The following DAB1 variants were observed in gnomAD, a reference collection of about 807,000 sequenced individuals.
The protein encoded by DAB1 is disabled homolog 1.
In DAB1, 15 loss-of-function variants were observed where a neutral mutation model predicts 64.6. That is an observed-to-expected ratio of 0.23 (90% CI 0.16 to 0.36). The LOEUF (loss-of-function observed/expected upper bound fraction) is 0.36, where lower values mean the gene tolerates loss of function less well. Ranked by LOEUF, DAB1 falls within the 10% of genes least tolerant of loss-of-function variation. The probability of loss-of-function intolerance (pLI) is 1.00; values close to 1 mark genes in which losing one functional copy is unlikely to be tolerated. For missense variants in DAB1, 596 were observed against 706.7 expected (o/e 0.84, Z 1.78); for synonymous variants, 235 against 251.9 (o/e 0.93, Z 0.64).
intron 1 of DAB1, among the ~76,000 whole-genome samples, chr1:57,343,859 T>C (rs1677869775): frequency 6.6e-6 from 1 of 152,192 alleles, no homozygotes; most frequent in South Asian, 2.1e-4. Flanking sequence ...GCTCCCACAG[T>C]GCATCAGCGG....
chr1:58,510,367 A>G (rs1260672351), intron 2 of DAB1, among the ~76,000 whole-genome samples: 1 of 152,032 alleles, frequency 6.6e-6, no homozygotes, highest in African/African-American at 2.4e-5. Flanking sequence ...TTAACAGAAT[A>G]AAAAAACACA....
intron 7 of DAB1, among the ~76,000 whole-genome samples, chr1:57,614,339 C>T (rs1645763777): frequency 6.6e-6 from 1 of 152,194 alleles, no homozygotes; most frequent in African/African-American, 2.4e-5. Context: ...TAAGGTCCAT[C>T]AGTTAATGGT....
At position 58,165,799 on chromosome 1, in the gene DAB1, G is replaced by T. The variant is rs187501553; in HGVS notation, n.310-15211C>A. Among the ~76,000 whole-genome samples, 548 of 152,324 alleles carry T rather than the reference G, an allele frequency of 3.6e-3. 4 individuals carry two copies. The highest frequency in any genetic ancestry group is 0.012 in the African/African-American group (514 of 41,564). On this transcript the variant is annotated intron_variant and non_coding_transcript_variant, in intron 4 of 20. Transcript: ENST00000485760. Reference sequence around the variant, plus strand: ...GTTTTAACCACTGTTGTAAAGATAAGAAATGGGCAGACAGGAGGTCCTGGA... The same window carrying T: ...GTTTTAACCACTGTTGTAAAGATAATAAATGGGCAGACAGGAGGTCCTGGA...
intron 9 of DAB1, among the ~76,000 whole-genome samples, chr1:57,049,696 A>C (rs897362835): frequency 3.3e-5 from 5 of 152,098 alleles, no homozygotes; most frequent in Non-Finnish European, 7.4e-5. Context: ...AGCAGCCCTC[A>C]CATGCCTCCC....
At chr1:57,580,302 T>G (rs551905881) in intron 7 of DAB1, among the ~76,000 whole-genome samples, 2 of 152,240 alleles carry the variant, frequency 1.3e-5, no homozygotes, top group East Asian at 3.9e-4. Context: ...CAAATGGTCA[T>G]CCCATTCTGC....
At chr1:57,087,326 G>A (rs750230168) in intron 4 of DAB1, among the ~76,000 whole-genome samples, 2 of 152,238 alleles carry the variant, frequency 1.3e-5, no homozygotes, top group African/African-American at 2.4e-5. Flanking sequence ...GGGGGATCAC[G>A]TAATCAGGGC....
chr1:57,985,784 T>C (rs928368212), intron 5 of DAB1, among the ~76,000 whole-genome samples: 8 of 152,098 alleles, frequency 5.3e-5, no homozygotes, highest in African/African-American at 1.9e-4. Context: ...GTGGTCAGTG[T>C]TCTTCATATG....
chr1:57,126,581 G>A (rs552480133), intron 4 of DAB1, among the ~76,000 whole-genome samples: 2 of 152,322 alleles, frequency 1.3e-5, no homozygotes, highest in South Asian at 4.1e-4. Context: ...AAGAGGTTCA[G>A]TGATTCATCA....
chr1:57,298,314 T>C (rs953835804), intron 1 of DAB1, among the ~76,000 whole-genome samples: 3 of 152,192 alleles, frequency 2.0e-5, no homozygotes, highest in Non-Finnish European at 2.9e-5. Context: ...ACAAGTGCTA[T>C]AGAAACTTTT....
At chr1:58,529,115 C>T (rs1646394712) in intron 1 of DAB1, among the ~76,000 whole-genome samples, 1 of 152,102 alleles carries the variant, frequency 6.6e-6, no homozygotes, top group South Asian at 2.1e-4. Context: ...TAAGGAATAA[C>T]CAATCTTTTA....
intron 5 of DAB1, among the ~76,000 whole-genome samples, chr1:58,061,206 G>A (rs966901862): frequency 6.6e-6 from 1 of 152,196 alleles, no homozygotes; most frequent in African/African-American, 2.4e-5. Context: ...AGACCCACGG[G>A]TGAGTTCTAG....
chr1:58,410,864 A>G (rs1644660921), intron 3 of DAB1, among the ~76,000 whole-genome samples: 1 of 152,244 alleles, frequency 6.6e-6, no homozygotes. Flanking sequence ...TAAACCTGTT[A>G]GCCAAACATT....
At chr1:58,066,055 C>G (rs565226619) in intron 5 of DAB1, among the ~76,000 whole-genome samples, 2 of 152,312 alleles carry the variant, frequency 1.3e-5, no homozygotes, top group South Asian at 4.1e-4. Context: ...CTCACAGTGT[C>G]CACCACAAGG....
intron 3 of DAB1, among the ~76,000 whole-genome samples, chr1:58,484,900 G>C (rs573717378): frequency 2.0e-5 from 3 of 152,178 alleles, no homozygotes; most frequent in African/African-American, 7.2e-5. Context: ...CAGGGGCTAG[G>C]GGGAGGGAGG....
intron 3 of DAB1, among the ~76,000 whole-genome samples, chr1:58,371,031 A>T (rs926455395): frequency 2.0e-5 from 3 of 152,218 alleles, no homozygotes; most frequent in African/African-American, 7.2e-5. Flanking sequence ...AGAAAGTGGA[A>T]GCTACTTTAG....
At chr1:58,355,451 T>C (rs1644101004) in intron 3 of DAB1, among the ~76,000 whole-genome samples, 2 of 152,186 alleles carry the variant, frequency 1.3e-5, no homozygotes, top group Non-Finnish European at 2.9e-5. Flanking sequence ...TTTTTCCCCA[T>C]CACTATTTTC....
chr1:57,942,518 C>T (rs950189135), intron 5 of DAB1, among the ~76,000 whole-genome samples: 1 of 152,206 alleles, frequency 6.6e-6, no homozygotes, highest in African/African-American at 2.4e-5. Flanking sequence ...CTTCTTGTAT[C>T]TATGAATCTG....
At chr1:58,182,389 T>C (rs868188874) in intron 4 of DAB1, among the ~76,000 whole-genome samples, 1 of 151,932 alleles carries the variant, frequency 6.6e-6, no homozygotes. Context: ...CCCCTCTTTC[T>C]TTCTTTCAAT....
chr1:57,068,525 C>G (rs1017333434), intron 8 of DAB1, among the ~76,000 whole-genome samples: 17 of 152,228 alleles, frequency 1.1e-4, no homozygotes, highest in African/African-American at 4.1e-4. Context: ...GGCCACACAA[C>G]TAACAAAATT....
Sources: allele counts gnomAD v4.1 joint callset (sites outside exome capture counted in the v4.1 genomes callset), GRCh38; gene constraint gnomAD v4.1.1; transcripts MANE v1.5; gene names NCBI Gene and HGNC (gene_info 2026-07-23, HGNC 2026-07-21).